The following RORA variants were observed in gnomAD, a reference collection of about 807,000 sequenced individuals.
RORA encodes nuclear receptor ROR-alpha.
Under a neutral mutation model 69.5 loss-of-function variants are expected in RORA, and 7 were observed. That is an observed-to-expected ratio of 0.10 (90% CI 0.06 to 0.19). RORA has a LOEUF of 0.19. Among genes scored for constraint, RORA ranks in the 10% least tolerant of loss-of-function variants. The probability of loss-of-function intolerance (pLI) is 1.00; values close to 1 mark genes in which losing one functional copy is unlikely to be tolerated. For missense variants in RORA, 457 were observed against 663.0 expected, an observed-to-expected ratio of 0.69 and a Z score of 3.41; for synonymous variants, 261 against 240.8, an observed-to-expected ratio of 1.08 and a Z score of -0.78.
intron 1 of RORA, among the ~76,000 whole-genome samples, chr15:60,875,743 A>G (rs1286480534): frequency 3.3e-5 from 5 of 152,188 alleles, no homozygotes; most frequent in Admixed American, 2.0e-4. Context: ...GGAGAAGAAT[A>G]TGGTCATTCT....
intron 2 of RORA, among the ~76,000 whole-genome samples, chr15:60,551,993 G>A (rs948104235): frequency 3.5e-4 from 53 of 152,344 alleles, no homozygotes; most frequent in African/African-American, 1.2e-3. Context: ...GTAGGTGGTT[G>A]AACTTCGGTA....
At chr15:60,735,691 A>C (rs1465307056) in intron 1 of RORA, among the ~76,000 whole-genome samples, 1 of 152,164 alleles carries the variant, frequency 6.6e-6, no homozygotes, top group East Asian at 1.9e-4. Flanking sequence ...GTGGCAGGAG[A>C]AGCTTTCATA....
intron 5 of RORA, chr15:60,510,553 T>G (rs1465373571): frequency 5.3e-5 from 8 of 152,264 alleles, no homozygotes; most frequent in Non-Finnish European, 1.0e-4. Context: ...GAAGCTGATT[T>G]CTGTTGAACA....
At chr15:60,882,422 A>G (rs570812989) in intron 1 of RORA, among the ~76,000 whole-genome samples, 22 of 152,190 alleles carry the variant, frequency 1.4e-4, no homozygotes, top group Non-Finnish European at 2.9e-4. Context: ...AAATGTCAGT[A>G]GTGCTGAGAT....
At chr15:61,022,230 A>G (rs1331213565) in intron 1 of RORA, among the ~76,000 whole-genome samples, 2 of 152,236 alleles carry the variant, frequency 1.3e-5, no homozygotes, top group African/African-American at 4.8e-5. Context: ...ATTTCCCTAC[A>G]GGGTGTTTGG....
At chr15:61,186,628 G>A (rs945696911) in intron 1 of RORA, among the ~76,000 whole-genome samples, 2 of 110,534 alleles carry the variant, frequency 1.8e-5, no homozygotes, top group African/African-American at 7.1e-5. Context: ...GCAATGATGT[G>A]AGACCCTGAC....
intron 2 of RORA, among the ~76,000 whole-genome samples, chr15:60,578,812 G>C (rs1378450238): frequency 6.7e-6 from 1 of 148,344 alleles, no homozygotes; most frequent in African/African-American, 2.5e-5. Flanking sequence ...TGCCCAGGCT[G>C]GAGTTAAGTG....
intron 1 of RORA, among the ~76,000 whole-genome samples, chr15:60,832,479 G>A (rs949237565): frequency 6.6e-6 from 1 of 152,152 alleles, no homozygotes; most frequent in African/African-American, 2.4e-5. Context: ...AAGAAAGACA[G>A]GAGAAGCCTG....
chr15:60,984,170 A>G (rs1321685403), intron 1 of RORA, among the ~76,000 whole-genome samples: 1 of 152,198 alleles, frequency 6.6e-6, no homozygotes, highest in East Asian at 1.9e-4. Flanking sequence ...TTCACTTTAT[A>G]AGAACATATA....
chr15:60,875,388 A>C (rs2073602234), intron 1 of RORA, among the ~76,000 whole-genome samples: 1 of 152,216 alleles, frequency 6.6e-6, no homozygotes, highest in African/African-American at 2.4e-5. Flanking sequence ...CAAATGTATA[A>C]ATTTTATGTA....
At chr15:60,711,460 T>A (rs1442888359) in intron 1 of RORA, among the ~76,000 whole-genome samples, 7 of 152,166 alleles carry the variant, frequency 4.6e-5, no homozygotes, top group Admixed American at 3.9e-4. Context: ...CAGGCAGCAG[T>A]TGATTAGAAG....
intron 1 of RORA, among the ~76,000 whole-genome samples, chr15:60,818,504 A>G (rs563495339): frequency 2.1e-4 from 32 of 152,322 alleles, no homozygotes; most frequent in Non-Finnish European, 3.7e-4. Context: ...GCAAAGCCCA[A>G]TGCAGAACCA....
At chr15:60,562,164 A>T (rs961406298) in intron 2 of RORA, among the ~76,000 whole-genome samples, 6 of 152,104 alleles carry the variant, frequency 3.9e-5, no homozygotes, top group Non-Finnish European at 8.8e-5. Flanking sequence ...CGAACTCCCG[A>T]CCTCAGGTGA....
At chr15:60,602,143 G>A (rs1048799527) in intron 2 of RORA, among the ~76,000 whole-genome samples, 6 of 152,214 alleles carry the variant, frequency 3.9e-5, no homozygotes, top group East Asian at 1.9e-4. Flanking sequence ...CAACATCTTT[G>A]CTCCTTGAAA....
At chr15:61,117,370 C>T (rs2079060264) in intron 1 of RORA, among the ~76,000 whole-genome samples, 1 of 152,080 alleles carries the variant, frequency 6.6e-6, no homozygotes, top group African/African-American at 2.4e-5. Flanking sequence ...AGACTTTTCT[C>T]CATTTTAATG....
intron 1 of RORA, among the ~76,000 whole-genome samples, chr15:61,085,626 T>C (rs1270642604): frequency 1.3e-5 from 2 of 152,226 alleles, no homozygotes; most frequent in Non-Finnish European, 2.9e-5. Flanking sequence ...CACTGATCCA[T>C]GGCCCCTTTC....
chr15:60,516,155 A>C (rs1440908580), intron 3 of RORA, among the ~76,000 whole-genome samples: 7 of 31,136 alleles, frequency 2.2e-4, no homozygotes, highest in Non-Finnish European at 3.8e-4. Context: ...ATTTATATAT[A>C]TATATTTATA....
chr15:60,952,077 A>T (rs1595841724), intron 1 of RORA, among the ~76,000 whole-genome samples: 1 of 150,068 alleles, frequency 6.7e-6, no homozygotes. Flanking sequence ...CAGCACATCA[A>T]AAAGCTTATC....
chr15:60,683,352 G>C (rs935198142), intron 1 of RORA, among the ~76,000 whole-genome samples: 4 of 152,018 alleles, frequency 2.6e-5, no homozygotes, highest in Non-Finnish European at 5.9e-5. Flanking sequence ...TCAACCAATG[G>C]CTCCTTGCCC....
Sources: gnomAD v4.1 joint callset for allele counts (sites outside exome capture counted in the v4.1 genomes callset) on GRCh38, gnomAD v4.1.1 for gene constraint, MANE v1.5 for transcripts, NCBI Gene and HGNC (gene_info 2026-07-23, HGNC 2026-07-21) for gene names.